The following GPR107 variants were observed in gnomAD, a reference collection of about 807,000 sequenced individuals.
GPR107 encodes G protein-coupled receptor 107, also known as protein GPR107.
A neutral mutation model predicts 75.5 loss-of-function variants in GPR107; 31 were observed. The ratio of observed to expected loss-of-function variants is 0.41; its 90% CI spans 0.31 to 0.55. The LOEUF (loss-of-function observed/expected upper bound fraction) is 0.55, where lower values mean the gene tolerates loss of function less well. GPR107 is among the 20% of genes least tolerant of loss of function. The probability of loss-of-function intolerance (pLI) is 0.26; values close to 1 mark genes in which losing one functional copy is unlikely to be tolerated. For synonymous variants in GPR107, 267 were observed against 251.3 expected (o/e 1.06, Z -0.59); for missense variants, 572 against 665.7 (o/e 0.86, Z 1.55).
At chr9:130,064,374 T>A (rs571726560) in intron 1 of GPR107, among the ~76,000 whole-genome samples, 50 of 148,940 alleles carry the variant, frequency 3.4e-4, no homozygotes, top group Non-Finnish European at 6.0e-4. Flanking sequence ...ATTTTTTGTA[T>A]TTTTTTTAGT....
chr9:130,092,443 T>TAACA, intron 9 of GPR107, 62 bp downstream of exon 9: 1 of 1,422,088 alleles, frequency 7.0e-7, no homozygotes, highest in Non-Finnish European at 9.9e-7. Flanking sequence ...CACTGTTTGT[T>TAACA]GGCTCCTGAA....
chr9:130,055,866 C>T (rs1829775185), intron 1 of GPR107, among the ~76,000 whole-genome samples: 1 of 151,654 alleles, frequency 6.6e-6, no homozygotes, highest in Non-Finnish European at 1.5e-5. Context: ...ATTGCTTGAA[C>T]CCGGGAGGCT....
chr9:130,071,678 A>G (rs1232820271), intron 1 of GPR107, among the ~76,000 whole-genome samples: 2 of 151,532 alleles, frequency 1.3e-5, no homozygotes, highest in African/African-American at 4.8e-5. Flanking sequence ...TATTATTACT[A>G]TTTTTGTTTT....
At chr9:130,089,525 A>G (rs951526447) in intron 7 of GPR107, among the ~76,000 whole-genome samples, 1 of 152,156 alleles carries the variant, frequency 6.6e-6, no homozygotes, top group African/African-American at 2.4e-5. Flanking sequence ...ACCTAAATAC[A>G]GGAAGGGGAC....
chr9:130,124,858 T>G lies in GPR107; in HGVS notation c.1307-57T>G, dbSNP rs1831633336. ...GACTGAGAAGGTATCTGAATGAGGC[T>G]TACTTTTAAAAATGAGAAGTTAACG... On this transcript the variant is annotated intron_variant, in intron 14 of 17. Transcript: ENST00000347136. The G allele has an allele frequency of 5.6e-6, 6 of 1,075,024 alleles. No homozygotes were observed. The South Asian group carries it at 8.6e-5, about 15-fold the overall frequency. The allele number at this position is 1,075,024 out of a possible 1,614,324, so 66.6% of individuals were successfully genotyped here.
rs1261631292 is a variant in GPR107 at position 130,139,787 on chromosome 9, C to G, written c.*4666C>G. On this transcript the variant is annotated 3_prime_UTR_variant, in exon 18 of 18. Transcript: ENST00000347136. ...AGGCGGTGAGCCTCCAGAAGGTCAG[C>G]CTTTGGAGCACGTAAGATACTGTTA... 6.6e-6 allele frequency: 1 copy of G among 152,206 alleles called. No individual in the cohort carries two copies. Among genetic ancestry groups the G allele is most frequent in the African/African-American group, 2.4e-5 (1 of 41,444 alleles). The allele number at this position is 152,206 out of a possible 1,614,324, so 9.4% of individuals were successfully genotyped here.
At chr9:130,121,913 T>G (rs191362926) in intron 14 of GPR107, among the ~76,000 whole-genome samples, 1 of 151,460 alleles carries the variant, frequency 6.6e-6, no homozygotes, top group African/African-American at 2.4e-5. Flanking sequence ...TTTTTTGAGG[T>G]GGAGTCTCGC....
At chr9:130,059,144 A>C (rs556364775) in intron 1 of GPR107, among the ~76,000 whole-genome samples, 2 of 152,336 alleles carry the variant, frequency 1.3e-5, no homozygotes, top group South Asian at 4.1e-4. Context: ...AATTTATGAG[A>C]GTTCTCTTTC....
intron 2 of GPR107, among the ~76,000 whole-genome samples, chr9:130,076,108 G>C (rs981074457): frequency 6.6e-6 from 1 of 152,172 alleles, no homozygotes; most frequent in Non-Finnish European, 1.5e-5. Flanking sequence ...GCTTAGGTGA[G>C]AGTCACCTTC....
chr9:130,133,905 C>A (rs890436857), intron 17 of GPR107, among the ~76,000 whole-genome samples: 1 of 152,058 alleles, frequency 6.6e-6, no homozygotes, highest in Non-Finnish European at 1.5e-5. Context: ...TCTTCCCTTA[C>A]CCCATACAAA....
Position 130,075,161 on chromosome 9 carries a change from T to C in GPR107, c.142-475T>C, listed in dbSNP as rs60823375. 2.5e-3 allele frequency among the ~76,000 whole-genome samples: 386 copies of C among 152,152 alleles called. 4 individuals are homozygous for C. The East Asian group carries it at 0.038, about 15-fold the overall frequency. On this transcript the variant is annotated intron_variant, in intron 1 of 17. Transcript: ENST00000347136. ...GGAGAAAGACATGTTACCACAGCTG[T>C]GTATGTTACTGAGCATATGGAAACA...
chr9:130,082,998 G>A (rs1830529562), intron 5 of GPR107, among the ~76,000 whole-genome samples: 1 of 152,102 alleles, frequency 6.6e-6, no homozygotes, highest in African/African-American at 2.4e-5. Context: ...TCAGCTCACT[G>A]CAGCCTACAC....
chr9:130,114,238 G>A (rs1001512504), intron 14 of GPR107, among the ~76,000 whole-genome samples: 6 of 132,974 alleles, frequency 4.5e-5, no homozygotes, highest in Admixed American at 2.3e-4. Flanking sequence ...GCGTGGTAGC[G>A]CACACCTGTA....
intron 4 of GPR107, 63 bp from the exon 5 acceptor site, chr9:130,079,567 A>G: frequency 7.0e-7 from 1 of 1,425,504 alleles, no homozygotes; most frequent in Non-Finnish European, 9.8e-7. Flanking sequence ...GCCTACACGC[A>G]GCGTGCTCAG....
Position 130,083,697 on chromosome 9 carries a change from C to T in GPR107, c.564+95C>T, listed in dbSNP as rs1425286874. The T allele has an allele frequency of 6.1e-6, 4 of 656,406 alleles. No individual in the cohort carries two copies. The African/African-American group carries it at 7.5e-5, about 12-fold the overall frequency. 40.7% of individuals were successfully genotyped at this position (656,406 alleles called of 1,614,324 possible). A position where few individuals can be genotyped will look rare whatever the true frequency, so the allele number is the denominator to read the frequency against. On this transcript the variant is annotated intron_variant, in intron 6 of 17. Coordinates refer to ENST00000347136, the MANE Select transcript of GPR107 (RefSeq NM_020960.5). ...GTGTGTGTGTGTATTGATATATATA[C>T]ATACATGCATGCACAGACACATACA...
In GPR107 at chr9:130,114,029, C is replaced by CTTTTTTTTTTTTTTTTTTTTTTTT. The variant is rs60616601; in HGVS notation, c.1306+6510_1306+6511insTTTTTTTTTTTTTTTTTTTTTTTT. On this transcript the variant is annotated intron_variant, in intron 14 of 17. Transcript: ENST00000347136. ...CAAAAATAATTCTGGTCTTCTCATT[C>CTTTTTTTTTTTTTTTTTTTTTTTT]TTTTTTTTTTTTTTTTTTTTCATTT... Among the ~76,000 whole-genome samples, 4 of 90,674 alleles carry CTTTTTTTTTTTTTTTTTTTTTTTT rather than the reference C, an allele frequency of 4.4e-5. 1 individual carries two copies. Among genetic ancestry groups the CTTTTTTTTTTTTTTTTTTTTTTTT allele is most frequent in the Non-Finnish European group, 8.1e-5 (4 of 49,106 alleles). 59.5% of individuals were successfully genotyped at this position (90,674 alleles called of 152,430 possible). A position where few individuals can be genotyped will look rare whatever the true frequency, so the allele number is the denominator to read the frequency against.
chr9:130,133,753 T>C (rs1831886721), intron 17 of GPR107, among the ~76,000 whole-genome samples: 2 of 152,314 alleles, frequency 1.3e-5, no homozygotes, highest in South Asian at 2.1e-4. Flanking sequence ...ACATACCTTG[T>C]CCCAACTTTG....
At position 130,140,035 on chromosome 9, in the gene GPR107, C is replaced by G. The variant is rs1832061409; in HGVS notation, c.*4914C>G. 6.6e-6 allele frequency: 1 copy of G among 152,056 alleles called. No individual in the cohort carries two copies. The highest frequency in any genetic ancestry group is 1.5e-5 in the Non-Finnish European group (1 of 68,024). The allele number at this position is 152,056 out of a possible 1,614,324, so 9.4% of individuals were successfully genotyped here. The stretch of plus-strand genomic sequence containing the variant: ...AGTTTTCAGTATTTTTTTTAAAACA[C>G]TAATGATCATTGAAGAGTATTTATG... On this transcript the variant is annotated 3_prime_UTR_variant, in exon 18 of 18. Coordinates refer to ENST00000347136, the MANE Select transcript of GPR107 (RefSeq NM_020960.5). The surrounding 1 kb of genome is among the most constrained non-coding windows in gnomAD (Gnocchi z 4.0).
Position 130,075,681 on chromosome 9 carries a change from A to G in GPR107, c.187A>G (p.Lys63Glu), listed in dbSNP as rs374428340. 6.0e-5 allele frequency: 96 copies of G among 1,609,970 alleles called. No homozygotes were observed. Among genetic ancestry groups the G allele is most frequent in the Non-Finnish European group, 7.9e-5 (93 of 1,176,310 alleles). ...TCATCTGAACACCTTTGGCTTCTTC[A>G]AGGATGGGTACATGGTGGTGAATGT... ...KVHLNTFGFF[K>E]DGYMVVNVSS... The change falls in exon 2 of 18, where the codon AAG becomes GAG. Residue 63 changes from lysine to glutamate, a missense_variant. Coordinates refer to ENST00000347136, the MANE Select transcript of GPR107 (RefSeq NM_020960.5).
Sources: gnomAD v4.1 joint callset for allele counts (sites outside exome capture counted in the v4.1 genomes callset) on GRCh38, gnomAD v4.1.1 for gene constraint, Gnocchi (gnomAD v3.1) non-coding constraint, MANE v1.5 for transcripts, NCBI Gene and HGNC (gene_info 2026-07-23, HGNC 2026-07-21) for gene names.